Variants in CERS6 observed in about 807,000 individuals in gnomAD.
CERS6 encodes the protein ceramide synthase 6.
A neutral mutation model predicts 56.8 loss-of-function variants in CERS6; 26 were observed. The observed-to-expected ratio is 0.46, with a 90% CI of 0.34 to 0.63. The LOEUF is 0.63. Among genes scored for constraint, CERS6 ranks in the 30% least tolerant of loss-of-function variants. The pLI is 0.01. For synonymous variants in CERS6, 164 were observed against 173.3 expected (o/e 0.95, Z 0.42); for missense variants, 415 against 467.5 (o/e 0.89, Z 1.04).
chr2:168,530,446 T>C (rs1695146632), intron 1 of CERS6, among the ~76,000 whole-genome samples: 1 of 152,234 alleles, frequency 6.6e-6, no homozygotes, highest in Admixed American at 6.5e-5. Flanking sequence ...GGTAATATCT[T>C]AAAGACTTTC....
intron 3 of CERS6, among the ~76,000 whole-genome samples, chr2:168,613,278 G>A (rs755612345): frequency 6.6e-6 from 1 of 152,188 alleles, no homozygotes; most frequent in African/African-American, 2.4e-5. Flanking sequence ...GGGTGTCCAG[G>A]GATATAGAGA....
At chr2:168,662,998 A>C (rs1685669685) in intron 4 of CERS6, among the ~76,000 whole-genome samples, 1 of 152,246 alleles carries the variant, frequency 6.6e-6, no homozygotes, top group African/African-American at 2.4e-5. Context: ...AAAGCCTGGA[A>C]TCCAGTGTGA....
chr2:168,624,748 G>A (rs1684551897), intron 3 of CERS6, among the ~76,000 whole-genome samples: 1 of 152,018 alleles, frequency 6.6e-6, no homozygotes, highest in Admixed American at 6.6e-5. Flanking sequence ...AAACCTCATT[G>A]GAAGGTTTTT....
At chr2:168,559,754 T>TATATATATATATA (rs56014027) in intron 2 of CERS6, among the ~76,000 whole-genome samples, 20 of 123,894 alleles carry the variant, frequency 1.6e-4, no homozygotes, top group South Asian at 2.8e-4. Context: ...TATATATATA[T>TATATATATATATA]TTCACCCTTA....
rs186065489 is a variant in CERS6, at chr2:168,656,229, T to C, written c.465+25187T>C. 3.8e-3 allele frequency among the ~76,000 whole-genome samples: 582 copies of C among 152,346 alleles called. 4 individuals carry two copies. The highest frequency in any genetic ancestry group is 5.9e-3 in the Non-Finnish European group (398 of 68,024). On this transcript the variant is annotated intron_variant, in intron 4 of 9. Transcript: ENST00000305747. ...TATAGGGGGTTAATGTGTTACTATC[T>C]AGAAGGGGCCTAAATTAAACCTTGT...
At position 168,558,118 on chromosome 2, in the gene CERS6, T is replaced by C. The variant is rs117606667; in HGVS notation, c.277-3074T>C. ...CTGGAAAAAATGGAAACGTCTGATA[T>C]CATAGTCTGTTGAAGAGGCTTTGGA... is the stretch of plus-strand genomic sequence containing the variant. On this transcript the variant is annotated intron_variant, in intron 2 of 9. Coordinates refer to ENST00000305747, the MANE Select transcript of CERS6 (RefSeq NM_203463.3). Among the ~76,000 whole-genome samples the C allele has an allele frequency of 2.0e-5, 3 of 152,312 alleles. No homozygotes were observed. The East Asian group carries it at 5.8e-4, about 29-fold the overall frequency.
intron 4 of CERS6, among the ~76,000 whole-genome samples, chr2:168,663,618 T>A (rs946358661): frequency 1.3e-5 from 2 of 152,202 alleles, no homozygotes; most frequent in Non-Finnish European, 2.9e-5. Flanking sequence ...TTCTTTACTA[T>A]CATTCATATA....
Position 168,456,475 on chromosome 2 carries a change from G to A in CERS6, c.27G>A (p.Trp9Ter). 6.2e-7 allele frequency: 1 copy of A among 1,613,928 alleles called. No individual in the cohort carries two copies. The highest frequency in any genetic ancestry group is 8.5e-7 in the Non-Finnish European group (1 of 1,179,864). The change falls in exon 1 of 10, where the codon TGG becomes TGA. Residue 9 changes from tryptophan to a stop codon, truncating the protein, a stop_gained. Coordinates refer to ENST00000305747, the MANE Select transcript of CERS6 (RefSeq NM_203463.3). LOFTEE classifies it high-confidence loss of function. This position sits in a 1 kb window ranked among gnomAD's most constrained non-coding sequence, Gnocchi z 4.1. MAGILAWF[W>*]NERFWLPHNV... ...TGGCAGGGATCTTAGCCTGGTTCTG[G>A]AACGAGAGGTTTTGGCTCCCGCACA...
intron 8 of CERS6, among the ~76,000 whole-genome samples, chr2:168,741,487 A>G (rs1574209982): frequency 6.6e-6 from 1 of 152,164 alleles, no homozygotes; most frequent in Non-Finnish European, 1.5e-5. Flanking sequence ...CTTGGGCCAC[A>G]CAAAAAATAC....
At chr2:168,734,815 A>G (rs1683663920) in intron 8 of CERS6, among the ~76,000 whole-genome samples, 1 of 152,210 alleles carries the variant, frequency 6.6e-6, no homozygotes, top group Non-Finnish European at 1.5e-5. Context: ...AAATAATTCA[A>G]AAAGGCCAAT....
chr2:168,522,835 C>A (rs1312626069), intron 1 of CERS6, among the ~76,000 whole-genome samples: 1 of 152,148 alleles, frequency 6.6e-6, no homozygotes, highest in Non-Finnish European at 1.5e-5. Context: ...AGGTGTGAAC[C>A]ACTGTGCCTG....
intron 1 of CERS6, among the ~76,000 whole-genome samples, chr2:168,510,571 C>T (rs1694761414): frequency 6.6e-6 from 1 of 152,190 alleles, no homozygotes; most frequent in South Asian, 2.1e-4. Context: ...CCTGACAGTG[C>T]ATTTCTCAGA....
intron 1 of CERS6, among the ~76,000 whole-genome samples, chr2:168,466,288 G>A (rs575550926): frequency 3.3e-5 from 5 of 152,196 alleles, no homozygotes; most frequent in East Asian, 3.9e-4. Flanking sequence ...GCATAGTTTC[G>A]GAGGAGTCTA....
At chr2:168,687,404 T>C (rs1686379998) in intron 4 of CERS6, among the ~76,000 whole-genome samples, 1 of 152,212 alleles carries the variant, frequency 6.6e-6, no homozygotes, top group Non-Finnish European at 1.5e-5. Context: ...TTGCAAAGTG[T>C]GGTCCGTGGC....
chr2:168,631,531 C>T (rs12998172), intron 4 of CERS6, among the ~76,000 whole-genome samples: 83,738 of 88,306 alleles, frequency 0.95, 39,897 homozygotes, highest in East Asian at 1. Flanking sequence ...TATATAAATA[C>T]ATATTAAATA....
Position 168,461,238 on chromosome 2 carries a change from TAA to T in CERS6, c.170+4621_170+4622del, listed in dbSNP as rs558423951. 5.9e-5 allele frequency among the ~76,000 whole-genome samples: 9 copies of T among 152,310 alleles called. No individual in the cohort carries two copies. In the South Asian group the frequency reaches 1.9e-3, roughly 32 times the overall value. ...AATCAGTGCTGGATGTTAAACCCTA[TAA>T]GTGTTCCTTATTTAGCTTGTTAAGT... On this transcript the variant is annotated intron_variant, in intron 1 of 9. Coordinates refer to ENST00000305747, the MANE Select transcript of CERS6 (RefSeq NM_203463.3).
chr2:168,473,906 A>G (rs570483077), intron 1 of CERS6, among the ~76,000 whole-genome samples: 1 of 152,246 alleles, frequency 6.6e-6, no homozygotes, highest in East Asian at 1.9e-4. Flanking sequence ...TTAAAACATG[A>G]ATGATGCCAG....
At chr2:168,465,392 A>G (rs567827984) in intron 1 of CERS6, among the ~76,000 whole-genome samples, 18 of 152,288 alleles carry the variant, frequency 1.2e-4, no homozygotes, top group African/African-American at 4.1e-4. Context: ...GGGCCACTTC[A>G]CTAAGGTCAC....
chr2:168,513,845 C>T (rs917481044), intron 1 of CERS6, among the ~76,000 whole-genome samples: 3 of 152,068 alleles, frequency 2.0e-5, no homozygotes, highest in Non-Finnish European at 4.4e-5. Context: ...GAACTGGTTG[C>T]GAGGTGGAGC....
Sources: gnomAD v4.1 joint callset for allele counts (sites outside exome capture counted in the v4.1 genomes callset) on GRCh38, gnomAD v4.1.1 for gene constraint, Gnocchi (gnomAD v3.1) non-coding constraint, MANE v1.5 for transcripts, NCBI Gene and HGNC (gene_info 2026-07-23, HGNC 2026-07-21) for gene names.